Variants in AMOTL1 observed in about 807,000 individuals in gnomAD.
AMOTL1 encodes angiomotin-like protein 1.
Under a neutral mutation model 102.9 loss-of-function variants are expected in AMOTL1, and 45 were observed. That is an observed-to-expected ratio of 0.44 (90% CI 0.34 to 0.56). The LOEUF is 0.56. Ranked by LOEUF, AMOTL1 falls within the 20% of genes least tolerant of loss-of-function variation. The pLI is 0.01. For missense variants in AMOTL1, 1,114 were observed against 1,225.6 expected (o/e 0.91, Z 1.36); for synonymous variants, 481 against 484.7 (o/e 0.99, Z 0.10).
In AMOTL1 at chr11:94,830,293, G is replaced by C. The variant is rs545054910; in HGVS notation, c.1558+99G>C. On this transcript the variant is annotated intron_variant, in intron 5 of 12. Transcript: ENST00000433060. ...CCAGAGTGCTTTGCCACAGGTACTG[G>C]TCTACCTGTGTTGGATAATCTTGTG... The C allele has an allele frequency of 5.4e-4, 603 of 1,108,370 alleles. 2 individuals carry two copies. Among genetic ancestry groups the C allele is most frequent in the Non-Finnish European group, 7.2e-4 (577 of 796,706 alleles). The allele number at this position is 1,108,370 out of a possible 1,614,324, so 68.7% of individuals were successfully genotyped here. A position where few individuals can be genotyped will look rare whatever the true frequency, so the allele number is the denominator to read the frequency against.
At chr11:94,713,272 G>T (rs1414924443) in intron 1 of AMOTL1, among the ~76,000 whole-genome samples, 1 of 151,834 alleles carries the variant, frequency 6.6e-6, no homozygotes, top group East Asian at 1.9e-4. Context: ...TATATAGTAA[G>T]TTGCATGGTA....
At position 94,849,813 on chromosome 11, in the gene AMOTL1, G is replaced by T. The variant is rs141179203; in HGVS notation, c.1649-301G>T. Among the ~76,000 whole-genome samples, 1,289 of 152,290 alleles carry T rather than the reference G, an allele frequency of 8.5e-3. 17 individuals carry two copies. Among genetic ancestry groups the T allele is most frequent in the South Asian group, 0.05 (242 of 4,826 alleles). On this transcript the variant is annotated intron_variant, in intron 6 of 12. Coordinates refer to ENST00000433060, the MANE Select transcript of AMOTL1 (RefSeq NM_130847.3). Reference sequence around the variant, plus strand: ...GCATAAAATGTAATAGTAGATACAAGATTGATTTGAAGTATGAAAGTCAAT... The same window carrying T: ...GCATAAAATGTAATAGTAGATACAATATTGATTTGAAGTATGAAAGTCAAT...
chr11:94,859,777 A>G (rs879264027), intron 9 of AMOTL1, 62 bp downstream of exon 9: 4 of 1,493,554 alleles, frequency 2.7e-6, no homozygotes, highest in Non-Finnish European at 3.6e-6. Flanking sequence ...AACAAAACAA[A>G]CAGGCTATCC....
intron 3 of AMOTL1, among the ~76,000 whole-genome samples, chr11:94,759,933 T>C (rs1028987553): frequency 6.6e-6 from 1 of 152,242 alleles, no homozygotes; most frequent in Non-Finnish European, 1.5e-5. Flanking sequence ...GTGTGGTCCA[T>C]GGACAAGCAG....
intron 3 of AMOTL1, among the ~76,000 whole-genome samples, chr11:94,741,646 A>G (rs1950528931): frequency 6.6e-6 from 1 of 152,068 alleles, no homozygotes; most frequent in Non-Finnish European, 1.5e-5. Flanking sequence ...AGTGAAGAGA[A>G]GGAAATGCGA....
At chr11:94,792,248 C>G (rs1377996303) in intron 1 of AMOTL1, among the ~76,000 whole-genome samples, 1 of 152,166 alleles carries the variant, frequency 6.6e-6, no homozygotes, top group Non-Finnish European at 1.5e-5. Context: ...CATGTTCTCA[C>G]TCATAGGTGG....
At chr11:94,763,284 T>TA (rs967494524) in intron 3 of AMOTL1, among the ~76,000 whole-genome samples, 9 of 152,194 alleles carry the variant, frequency 5.9e-5, no homozygotes, top group Non-Finnish European at 1.3e-4. Flanking sequence ...TTCCTCTCCT[T>TA]ACGACAATGT....
At position 94,874,839 on chromosome 11, in the gene AMOTL1, G is replaced by A. The variant is rs1340773178; in HGVS notation, c.*4044G>A. 6.6e-6 allele frequency: 1 copy of A among 152,338 alleles called. No homozygotes were observed. Among genetic ancestry groups the A allele is most frequent in the Middle Eastern group, 3.4e-3 (1 of 294 alleles). 9.4% of individuals were successfully genotyped at this position (152,338 alleles called of 1,614,324 possible). On this transcript the variant is annotated 3_prime_UTR_variant, in exon 13 of 13. Transcript: ENST00000433060. ...TTTTGAGGCAGGGGGCTCATGTTTT[G>A]ACTGCAGGGAGTTATGCTGAGCAAA... is the stretch of plus-strand genomic sequence containing the variant.
At chr11:94,843,466 T>A (rs1355403723) in intron 6 of AMOTL1, among the ~76,000 whole-genome samples, 1 of 152,146 alleles carries the variant, frequency 6.6e-6, no homozygotes, top group East Asian at 1.9e-4. Flanking sequence ...GTAAAGTAAA[T>A]GAAATATCTT....
intron 5 of AMOTL1, 33 bp downstream of exon 5, chr11:94,830,227 A>C: frequency 6.4e-7 from 1 of 1,559,766 alleles, no homozygotes; most frequent in Non-Finnish European, 8.7e-7. Flanking sequence ...TATCTAAACT[A>C]CCTGTAGAGT....
chr11:94,723,583 A>G (rs1950208778), intron 1 of AMOTL1, among the ~76,000 whole-genome samples: 1 of 152,244 alleles, frequency 6.6e-6, no homozygotes, highest in South Asian at 2.1e-4. Flanking sequence ...TGGATAAACC[A>G]ATCTGAAATA....
intron 4 of AMOTL1, among the ~76,000 whole-genome samples, chr11:94,828,828 C>A (rs2135654363): frequency 6.6e-6 from 1 of 152,282 alleles, no homozygotes; most frequent in South Asian, 2.1e-4. Context: ...GAAAACATGG[C>A]TGTGATCTGG....
intron 3 of AMOTL1, among the ~76,000 whole-genome samples, chr11:94,747,764 G>A (rs1205275024): frequency 4.6e-5 from 7 of 152,170 alleles, no homozygotes; most frequent in Admixed American, 6.5e-5. Context: ...GGCTTCTTCC[G>A]TTTCCTGGCT....
intron 3 of AMOTL1, among the ~76,000 whole-genome samples, chr11:94,807,549 G>A (rs1444224102): frequency 6.6e-6 from 1 of 152,144 alleles, no homozygotes; most frequent in Non-Finnish European, 1.5e-5. Flanking sequence ...ACTATCAAGA[G>A]TAGAAGAAAA....
intron 3 of AMOTL1, among the ~76,000 whole-genome samples, chr11:94,802,143 G>T (rs547737377): frequency 6.6e-6 from 1 of 152,256 alleles, no homozygotes; most frequent in South Asian, 2.1e-4. Flanking sequence ...GCAGGAGAAC[G>T]CATTCTCCCT....
chr11:94,830,097 C>A lies in AMOTL1; in HGVS notation c.1461C>A (p.Val487=). The A allele has an allele frequency of 6.2e-7, 1 of 1,609,242 alleles. No individual in the cohort carries two copies. The highest frequency in any genetic ancestry group is 1.1e-5 in the South Asian group (1 of 89,720). Residue 487 remains valine (V), a synonymous_variant, in exon 5 of 13, where the codon GTC becomes GTA. Transcript: ENST00000433060. ...QRISEAYESL[V]KSTTKRESLD... The stretch of plus-strand genomic sequence containing the variant: ...TTTCGGAAGCCTATGAAAGTCTGGT[C>A]AAGTCTACCACCAAGCGAGAATCGC...
chr11:94,821,665 G>A lies in AMOTL1; in HGVS notation c.1257G>A (p.Gln419=). 6.2e-7 allele frequency: 1 copy of A among 1,613,924 alleles called. No individual in the cohort carries two copies. Among genetic ancestry groups the A allele is most frequent in the African/African-American group, 1.3e-5 (1 of 75,064 alleles). The change falls in exon 4 of 13, where the codon CAG becomes CAA. Residue 419 remains glutamine, a synonymous_variant. Coordinates refer to ENST00000433060, the MANE Select transcript of AMOTL1 (RefSeq NM_130847.3). ...TCCCGATGGCCCTGGGTGCTCCACA[G>A]CCCCCGCCTGCCGCCTCCCCCAGCC... ...LPLPMALGAP[Q]PPPAASPSQQ... is the part of the protein sequence containing the mutation.
intron 4 of AMOTL1, among the ~76,000 whole-genome samples, chr11:94,822,122 A>G (rs995724611): frequency 6.6e-6 from 1 of 152,200 alleles, no homozygotes; most frequent in Non-Finnish European, 1.5e-5. Flanking sequence ...CCCCACCTGG[A>G]CAAATGTAGA....
At chr11:94,777,828 A>G (rs1280051525) in intron 1 of AMOTL1, among the ~76,000 whole-genome samples, 1 of 152,214 alleles carries the variant, frequency 6.6e-6, no homozygotes, top group Non-Finnish European at 1.5e-5. Context: ...CTCCTTAAAT[A>G]TCTGTTGAGT....
Sources: gnomAD v4.1 joint callset for allele counts (sites outside exome capture counted in the v4.1 genomes callset) on GRCh38, gnomAD v4.1.1 for gene constraint, MANE v1.5 for transcripts, NCBI Gene and HGNC (gene_info 2026-07-23, HGNC 2026-07-21) for gene names.